WWC2: variants seen among roughly 807,000 people sequenced by gnomAD.
WWC2 encodes the protein protein WWC2.
A neutral mutation model predicts 138.5 loss-of-function variants in WWC2; 101 were observed. The ratio of observed to expected loss-of-function variants is 0.73; its 90% CI spans 0.62 to 0.86. The LOEUF is 0.86. Ranked by LOEUF, WWC2 falls within the 40% of genes least tolerant of loss-of-function variation. The probability of loss-of-function intolerance (pLI) is 0.00; values close to 1 mark genes in which losing one functional copy is unlikely to be tolerated. For synonymous variants in WWC2, 558 were observed against 538.4 expected, an observed-to-expected ratio of 1.04 and a Z score of -0.50; for missense variants, 1,420 against 1,419.4, an observed-to-expected ratio of 1.00 and a Z score of -0.01.
At chr4:183,247,540 C>G (rs1339647745) in intron 6 of WWC2, among the ~76,000 whole-genome samples, 5 of 137,100 alleles carry the variant, frequency 3.6e-5, no homozygotes, top group African/African-American at 1.4e-4. Flanking sequence ...ACTATATATA[C>G]TATATATATA....
At position 183,315,856 on chromosome 4, in the gene WWC2, C is replaced by CT. The variant is rs1414614341; in HGVS notation, c.*131dup. On this transcript the variant is annotated 3_prime_UTR_variant, in exon 23 of 23. Transcript: ENST00000403733. Reference sequence around the variant, plus strand: ...AACGTAACTGTCAACTCTTGAAGAACTTTTATTTCACATCAGATTTTCAAC... The same window carrying CT: ...AACGTAACTGTCAACTCTTGAAGAACTTTTTATTTCACATCAGATTTTCAAC... The CT allele has an allele frequency of 5.6e-5, 36 of 646,462 alleles. No homozygotes were observed. The East Asian group carries it at 1.0e-3, about 18-fold the overall frequency. 40.0% of individuals were successfully genotyped at this position (646,462 alleles called of 1,614,324 possible). A position where few individuals can be genotyped will look rare whatever the true frequency, so the allele number is the denominator to read the frequency against.
At chr4:183,189,309 C>T (rs1166612441) in intron 1 of WWC2, among the ~76,000 whole-genome samples, 7 of 151,854 alleles carry the variant, frequency 4.6e-5, no homozygotes, top group Middle Eastern at 3.4e-3. Context: ...TGGTGGCGGG[C>T]GCCTGCAATC....
chr4:183,199,121 A>G (rs1294299137), intron 2 of WWC2, among the ~76,000 whole-genome samples: 3 of 152,142 alleles, frequency 2.0e-5, no homozygotes, highest in Admixed American at 1.3e-4. Flanking sequence ...GACGGTGGGG[A>G]AGAAGGAGGA....
intron 4 of WWC2, among the ~76,000 whole-genome samples, chr4:183,235,183 A>T (rs1178223549): frequency 3.3e-5 from 5 of 152,208 alleles, no homozygotes; most frequent in Non-Finnish European, 5.9e-5. Context: ...CCAGTAGCGT[A>T]TAGCCAACTT....
intron 1 of WWC2, among the ~76,000 whole-genome samples, chr4:183,129,932 T>C (rs565547285): frequency 6.6e-6 from 1 of 152,318 alleles, no homozygotes; most frequent in African/African-American, 2.4e-5. Flanking sequence ...TTCAGCAGAG[T>C]GCAGGGCTGT....
At chr4:183,208,865 T>G in intron 3 of WWC2, 84 bp from the exon 4 acceptor site, 1 of 886,218 alleles carries the variant, frequency 1.1e-6, no homozygotes, top group Non-Finnish European at 1.7e-6. Context: ...CACATAAATC[T>G]TGTTTTTAGC....
chr4:183,277,955 T>C (rs1737917963), intron 16 of WWC2, among the ~76,000 whole-genome samples: 1 of 151,766 alleles, frequency 6.6e-6, no homozygotes, highest in South Asian at 2.1e-4. Flanking sequence ...GTAGTTTCTT[T>C]TGCTATGCAG....
chr4:183,160,286 G>A (rs1328451945), intron 1 of WWC2, among the ~76,000 whole-genome samples: 2 of 152,146 alleles, frequency 1.3e-5, no homozygotes, highest in Non-Finnish European at 2.9e-5. Context: ...ATAAACTCAC[G>A]TAACATTTTG....
At position 183,198,789 on chromosome 4, in the gene WWC2, T is replaced by TAAAA. The variant is rs56182831; in HGVS notation, c.241+5104_241+5107dup. 2.2e-3 allele frequency among the ~76,000 whole-genome samples: 160 copies of TAAAA among 72,328 alleles called. 10 individuals carry two copies. Among genetic ancestry groups the TAAAA allele is most frequent in the African/African-American group, 6.6e-3 (111 of 16,852 alleles). 47.4% of individuals were successfully genotyped at this position (72,328 alleles called of 152,430 possible). A position where few individuals can be genotyped will look rare whatever the true frequency, so the allele number is the denominator to read the frequency against. ...GGTAACATATAAGACCTCGTCTCTT[T>TAAAA]AAAAAAAAAAAAAAAAAAAAAAAAA... On this transcript the variant is annotated intron_variant, in intron 2 of 22. Coordinates refer to ENST00000403733, the MANE Select transcript of WWC2 (RefSeq NM_024949.6).
In WWC2 at chr4:183,265,724, G is replaced by A. The variant is rs562605120; in HGVS notation, c.2076G>A (p.Glu692=). ...TGGAAGATGTCACATACAGTGAAGA[G>A]GATGTAGCCATTGTAGAGACCGCCC... The part of the protein sequence containing the change: ...SEMEDVTYSE[E]DVAIVETAQV... The change falls in exon 13 of 23, where the codon GAG becomes GAA. Residue 692 remains glutamate (E), a synonymous_variant. Transcript: ENST00000403733. 15 of 1,612,024 alleles carry A rather than the reference G, an allele frequency of 9.3e-6. No individual in the cohort carries two copies. The African/African-American group carries it at 1.1e-4, about 11-fold the overall frequency.
chr4:183,120,784 T>C (rs368210420), intron 1 of WWC2, among the ~76,000 whole-genome samples: 1 of 152,214 alleles, frequency 6.6e-6, no homozygotes, highest in Non-Finnish European at 1.5e-5. Context: ...TAATGGCTGG[T>C]CTTGCTTTGT....
chr4:183,257,477 A>G (rs1413784190), intron 9 of WWC2, among the ~76,000 whole-genome samples: 1 of 152,156 alleles, frequency 6.6e-6, no homozygotes, highest in African/African-American at 2.4e-5. Context: ...TGTGGAGCAG[A>G]TGGGCCAGGG....
intron 5 of WWC2, among the ~76,000 whole-genome samples, chr4:183,240,974 C>T (rs953484551): frequency 5.9e-5 from 9 of 152,198 alleles, no homozygotes; most frequent in Non-Finnish European, 4.4e-5. Context: ...GAGGCCCAGC[C>T]TATCCAAACC....
intron 21 of WWC2, among the ~76,000 whole-genome samples, chr4:183,303,197 C>T (rs1310623639): frequency 6.6e-6 from 1 of 152,026 alleles, no homozygotes; most frequent in Non-Finnish European, 1.5e-5. Context: ...ATAATGAAGT[C>T]TCCAACCATT....
intron 1 of WWC2, among the ~76,000 whole-genome samples, chr4:183,105,520 A>C (rs1743322439): frequency 6.6e-6 from 1 of 152,222 alleles, no homozygotes; most frequent in Non-Finnish European, 1.5e-5. Flanking sequence ...TGAATTCCTT[A>C]TGATAGGGCT....
At chr4:183,303,339 C>T (rs74745276) in intron 21 of WWC2, among the ~76,000 whole-genome samples, 2,151 of 152,292 alleles carry the variant, frequency 0.014, 20 homozygotes, top group Non-Finnish European at 0.022. Flanking sequence ...GTTAAACAGA[C>T]TCATCCTTTG....
rs115261176 is a variant in WWC2 at position 183,118,126 on chromosome 4, C to T, written c.131+18504C>T. Among the ~76,000 whole-genome samples the T allele has an allele frequency of 1.7e-3, 261 of 152,262 alleles. 4 individuals are homozygous for T. Among genetic ancestry groups the T allele is most frequent in the African/African-American group, 6.1e-3 (254 of 41,540 alleles). On this transcript the variant is annotated intron_variant, in intron 1 of 22. Transcript: ENST00000403733. ...TATGGATATTTTTTTTACCTCTACT[C>T]TTATAGTCGAGCCTCAGTCTTAGAG...
intron 4 of WWC2, among the ~76,000 whole-genome samples, chr4:183,227,720 C>T (rs1015667373): frequency 2.6e-5 from 4 of 151,940 alleles, no homozygotes; most frequent in African/African-American, 9.7e-5. Flanking sequence ...CTTATTTTTT[C>T]ATACCAATCG....
At chr4:183,286,189 T>G in intron 20 of WWC2, 130 bp downstream of exon 20, 2 of 833,108 alleles carry the variant, frequency 2.4e-6, no homozygotes, top group South Asian at 3.2e-5. Flanking sequence ...ATGCAGCCAC[T>G]GGGATACACA....
Sources: gnomAD v4.1 joint callset for allele counts (sites outside exome capture counted in the v4.1 genomes callset) on GRCh38, gnomAD v4.1.1 for gene constraint, MANE v1.5 for transcripts, NCBI Gene and HGNC (gene_info 2026-07-23, HGNC 2026-07-21) for gene names.